Variants in HS3ST4 observed in about 807,000 individuals in gnomAD.
The protein encoded by HS3ST4 is heparan sulfate-glucosamine 3-sulfotransferase 4, also known as heparan sulfate glucosamine 3-O-sulfotransferase 4.
In HS3ST4, 17 loss-of-function variants were observed where a neutral mutation model predicts 29.2. The observed-to-expected ratio is 0.58, with a 90% CI of 0.40 to 0.87. The LOEUF is 0.87. HS3ST4 is among the 40% of genes least tolerant of loss of function. HS3ST4 has a pLI of 0.00. For missense variants in HS3ST4, 627 were observed against 634.5 expected (o/e 0.99, Z 0.13); for synonymous variants, 314 against 285.7 (o/e 1.10, Z -1.00).
At chr16:25,998,036 G>C (rs1362393022) in intron 1 of HS3ST4, among the ~76,000 whole-genome samples, 1 of 152,156 alleles carries the variant, frequency 6.6e-6, no homozygotes, top group African/African-American at 2.4e-5. Flanking sequence ...AGGAGTTCCA[G>C]ACTAGCCTGG....
At chr16:26,004,089 T>A (rs1969235761) in intron 1 of HS3ST4, among the ~76,000 whole-genome samples, 3 of 152,172 alleles carry the variant, frequency 2.0e-5, no homozygotes, top group Admixed American at 2.0e-4. Flanking sequence ...GTTTCAGTGA[T>A]CTTTTTGGAG....
chr16:25,877,833 T>C (rs1032997560), intron 1 of HS3ST4, among the ~76,000 whole-genome samples: 1 of 152,224 alleles, frequency 6.6e-6, no homozygotes, highest in African/African-American at 2.4e-5. Flanking sequence ...CTTTGTTCAC[T>C]GATTTCATCA....
At chr16:25,828,845 T>C (rs988339213) in intron 1 of HS3ST4, among the ~76,000 whole-genome samples, 4 of 152,204 alleles carry the variant, frequency 2.6e-5, no homozygotes, top group Non-Finnish European at 5.9e-5. Flanking sequence ...TTTTGTGAAC[T>C]TGGACAAGTG....
chr16:25,856,187 G>T (rs191069566), intron 1 of HS3ST4, among the ~76,000 whole-genome samples: 2 of 152,054 alleles, frequency 1.3e-5, no homozygotes, highest in Non-Finnish European at 2.9e-5. Context: ...ATAAATATTT[G>T]GTCTGTGTTT....
chr16:25,815,908 A>G (rs182418414), intron 1 of HS3ST4, among the ~76,000 whole-genome samples: 104 of 152,288 alleles, frequency 6.8e-4, no homozygotes, highest in Non-Finnish European at 3.8e-4. Context: ...CATTTGGCCC[A>G]ATGTCCCTTT....
At chr16:25,881,326 C>G (rs1018342394) in intron 1 of HS3ST4, among the ~76,000 whole-genome samples, 3 of 152,060 alleles carry the variant, frequency 2.0e-5, no homozygotes, top group Admixed American at 6.6e-5. Flanking sequence ...AAACTCAACT[C>G]TTTAGAATTT....
intron 1 of HS3ST4, among the ~76,000 whole-genome samples, chr16:25,849,064 T>A (rs1967493003): frequency 6.6e-6 from 1 of 152,184 alleles, no homozygotes; most frequent in African/African-American, 2.4e-5. Flanking sequence ...AATAGATGGT[T>A]TTGTGGTGGT....
chr16:25,841,270 G>C (rs1030152259), intron 1 of HS3ST4, among the ~76,000 whole-genome samples: 2 of 151,790 alleles, frequency 1.3e-5, no homozygotes, highest in African/African-American at 4.8e-5. Flanking sequence ...CTCCCAAAGC[G>C]CTGGGATTAC....
At position 26,013,119 on chromosome 16, in the gene HS3ST4, G is replaced by T. The variant is rs151274916; in HGVS notation, c.735-122493G>T. ...CAAGAGGTTGCACTGAGCTGAGATCGTGCCACTGTACTCTAGCCTGGTGAC... is the reference window on the plus strand; with the variant it reads ...CAAGAGGTTGCACTGAGCTGAGATCTTGCCACTGTACTCTAGCCTGGTGAC... On this transcript the variant is annotated intron_variant, in intron 1 of 1. Coordinates refer to ENST00000331351, the MANE Select transcript of HS3ST4 (RefSeq NM_006040.3). Among the ~76,000 whole-genome samples the T allele has an allele frequency of 4.5e-3, 688 of 152,218 alleles. 4 individuals are homozygous for T. The highest frequency in any genetic ancestry group is 0.016 in the African/African-American group (650 of 41,540).
rs74341555 is a variant in HS3ST4, at chr16:26,136,751, T to A, written c.*503T>A. 43 of 162,198 alleles carry A rather than the reference T, an allele frequency of 2.7e-4. No homozygotes were observed. The East Asian group carries it at 6.8e-3, about 26-fold the overall frequency. 10.0% of individuals were successfully genotyped at this position (162,198 alleles called of 1,614,324 possible). A position where few individuals can be genotyped will look rare whatever the true frequency, so the allele number is the denominator to read the frequency against. ...GCTCCAGGACTCCTAGGGAGCAAGGTCCTCCCTCTAAGGTGTTTCTAGTCT... is the reference window on the plus strand; with the variant it reads ...GCTCCAGGACTCCTAGGGAGCAAGGACCTCCCTCTAAGGTGTTTCTAGTCT... On this transcript the variant is annotated 3_prime_UTR_variant, in exon 2 of 2. Transcript: ENST00000331351.
chr16:26,093,771 T>C (rs533556412), intron 1 of HS3ST4, among the ~76,000 whole-genome samples: 4 of 152,236 alleles, frequency 2.6e-5, no homozygotes, highest in East Asian at 1.9e-4. Flanking sequence ...CTTTGACGAG[T>C]TGACAGAAGT....
chr16:25,960,457 A>T (rs1355735065), intron 1 of HS3ST4, among the ~76,000 whole-genome samples: 1 of 152,238 alleles, frequency 6.6e-6, no homozygotes, highest in Non-Finnish European at 1.5e-5. Flanking sequence ...GTGATTCATC[A>T]TCACAGTTGT....
At chr16:26,026,768 G>A (rs1433713388) in intron 1 of HS3ST4, among the ~76,000 whole-genome samples, 3 of 152,136 alleles carry the variant, frequency 2.0e-5, no homozygotes, top group Non-Finnish European at 4.4e-5. Flanking sequence ...AATTGTTTTG[G>A]ACCAATCAGA....
chr16:26,006,898 AT>A (rs1413998530), intron 1 of HS3ST4, among the ~76,000 whole-genome samples: 2 of 152,240 alleles, frequency 1.3e-5, no homozygotes, highest in Non-Finnish European at 2.9e-5. Flanking sequence ...GGCTATTATC[AT>A]TTAAACTACA....
At chr16:25,827,910 C>G (rs146163408) in intron 1 of HS3ST4, among the ~76,000 whole-genome samples, 2 of 152,084 alleles carry the variant, frequency 1.3e-5, no homozygotes, top group Non-Finnish European at 2.9e-5. Context: ...CAGCAGAGCT[C>G]GTGTTGAAAC....
In HS3ST4 at chr16:25,983,157, C is replaced by T. The variant is rs573128890; in HGVS notation, c.735-152455C>T. Among the ~76,000 whole-genome samples the T allele has an allele frequency of 2.6e-5, 4 of 152,168 alleles. 1 individual carries two copies. The highest frequency in any genetic ancestry group is 1.3e-4 in the Admixed American group (2 of 15,284). The stretch of plus-strand genomic sequence containing the variant: ...AGAGTGATGGGGTAGGGAATGAGGT[C>T]GCTTTCAGATCCTTCCACTAGAGAA... On this transcript the variant is annotated intron_variant, in intron 1 of 1. Transcript: ENST00000331351.
At chr16:25,953,532 T>A (rs2141698134) in intron 1 of HS3ST4, among the ~76,000 whole-genome samples, 1 of 152,312 alleles carries the variant, frequency 6.6e-6, no homozygotes, top group Admixed American at 6.5e-5. Context: ...GGAAACTCCC[T>A]AGAAATATTC....
At chr16:25,888,411 G>C (rs1353777033) in intron 1 of HS3ST4, among the ~76,000 whole-genome samples, 2 of 152,090 alleles carry the variant, frequency 1.3e-5, no homozygotes, top group Non-Finnish European at 2.9e-5. Context: ...ACTTCTTCTT[G>C]TGATAAGATA....
At position 25,796,849 on chromosome 16, in the gene HS3ST4, A is replaced by T. The variant is rs573562564; in HGVS notation, c.734+103698A>T. ...TATTCAGAAATAGAAAATGGGAGGT[A>T]ACTTTTGCCATGGCAAGGGGTGGGA... On this transcript the variant is annotated intron_variant, in intron 1 of 1. Transcript: ENST00000331351. 5.9e-5 allele frequency among the ~76,000 whole-genome samples: 9 copies of T among 152,318 alleles called. No homozygotes were observed. The East Asian group carries it at 1.5e-3, about 26-fold the overall frequency.
Sources: allele counts gnomAD v4.1 joint callset (sites outside exome capture counted in the v4.1 genomes callset), GRCh38; gene constraint gnomAD v4.1.1; transcripts MANE v1.5; gene names NCBI Gene and HGNC (gene_info 2026-07-23, HGNC 2026-07-21).